NDN: variants seen among roughly 807,000 people sequenced by gnomAD.
NDN encodes the protein necdin.
For missense variants in NDN, 465 were observed against 440.4 expected (o/e 1.06, Z -0.50); for synonymous variants, 245 against 189.4 (o/e 1.29, Z -2.41).
Position 23,687,184 on chromosome 15 carries a change from T to C in NDN, c.34A>G (p.Asn12Asp). The change falls in exon 1 of 1, where the codon AAC becomes GAC. Residue 12 changes from asparagine to aspartate, a missense_variant. Asn to Asp is a conservative substitution (Grantham distance 23). Coordinates refer to ENST00000649030, the MANE Select transcript of NDN (RefSeq NM_002487.3). ...GAGTTGGGGGCCTCGGCTGCAAAGT[T>C]AGGGTCGCTCAGATCCTTACTTTGT... is the stretch of plus-strand genomic sequence containing the variant. ...SEQSKDLSDP[N>D]FAAEAPNSEV... The C allele has an allele frequency of 6.6e-7, 1 of 1,526,008 alleles. No individual in the cohort carries two copies. 94.5% of individuals were successfully genotyped at this position (1,526,008 alleles called of 1,614,324 possible).
rs772344835 is a variant in NDN, at chr15:23,686,506, C to T, written c.712G>A (p.Glu238Lys). ...TTCAGGTAATTCATTTGGACGAACTCCTCAGTGATGAGCTTCCGCACGTCC... is the reference window on the plus strand; with the variant it reads ...TTCAGGTAATTCATTTGGACGAACTTCTCAGTGATGAGCTTCCGCACGTCC... Reference protein sequence around the residue: ...FGDVRKLITEEFVQMNYLKYQ... With the variant: ...FGDVRKLITEKFVQMNYLKYQ... The change falls in exon 1 of 1, where the codon GAG becomes AAG. Residue 238 changes from glutamate to lysine, a missense_variant. By Grantham distance (56) the Glu-to-Lys change is moderately conservative. Coordinates refer to ENST00000649030, the MANE Select transcript of NDN (RefSeq NM_002487.3). The T allele has an allele frequency of 6.2e-7, 1 of 1,613,618 alleles. No individual in the cohort carries two copies. Among genetic ancestry groups the T allele is most frequent in the Non-Finnish European group, 8.5e-7 (1 of 1,180,008 alleles).
Position 23,686,832 on chromosome 15 carries a change from A to T in NDN, c.386T>A (p.Ile129Asn). The T allele has an allele frequency of 6.2e-7, 1 of 1,614,096 alleles. No homozygotes were observed. Among genetic ancestry groups the T allele is most frequent in the Non-Finnish European group, 8.5e-7 (1 of 1,180,004 alleles). The stretch of plus-strand genomic sequence containing the variant: ...CCTGCACCACTTCTTGTAGCTGCCG[A>T]TGACATCTTTCACCATGTCTGGAAA... ...IWFPDMVKDVIGSYKKWCRSI... is the reference protein window; with the variant it reads ...IWFPDMVKDVNGSYKKWCRSI... Residue 129 changes from isoleucine to asparagine, a missense_variant, in exon 1 of 1, where the codon ATC becomes AAC. Ile to Asn is a moderately radical substitution (Grantham distance 149). Transcript: ENST00000649030.
chr15:23,686,305 GCAGAGCTCTGGCCTCCTC>G lies in NDN; in HGVS notation c.895_912del (p.Glu299_Leu304del). 1 of 1,520,848 alleles carries G rather than the reference GCAGAGCTCTGGCCTCCTC, an allele frequency of 6.6e-7. No homozygotes were observed. Among genetic ancestry groups the G allele is most frequent in the South Asian group, 1.3e-5 (1 of 75,960 alleles). The allele number at this position is 1,520,848 out of a possible 1,614,324, so 94.2% of individuals were successfully genotyped here. Reference sequence around the variant, plus strand: ...TAGTGGGCAGTGGGATTAGCCTCCCGCAGAGCTCTGGCCTCCTCCAGAGCTTCTCTGTATCGGGAGGGC... The same window carrying G: ...TAGTGGGCAGTGGGATTAGCCTCCCGCAGAGCTTCTCTGTATCGGGAGGGC... On this transcript the variant is annotated inframe_deletion, in exon 1 of 1. Transcript: ENST00000649030.
Position 23,686,212 on chromosome 15 carries a change from T to TGGTGAGGG in NDN, c.*32_*39dup. ...ACCCACCCCCACCCTTCCACAGCCC[T>TGGTGAGGG]GGTGAGGGTCAGAAACCATTCATCT... On this transcript the variant is annotated 3_prime_UTR_variant, in exon 1 of 1. Coordinates refer to ENST00000649030, the MANE Select transcript of NDN (RefSeq NM_002487.3). 6.7e-7 allele frequency: 1 copy of TGGTGAGGG among 1,494,646 alleles called. No homozygotes were observed. The highest frequency in any genetic ancestry group is 1.4e-5 in the African/African-American group (1 of 71,224). 92.6% of individuals were successfully genotyped at this position (1,494,646 alleles called of 1,614,324 possible).
chr15:23,686,764 C>T lies in NDN; in HGVS notation c.454G>A (p.Gly152Arg), dbSNP rs1324218547. ...AGGCTGGTTAGCCTCAGGTGCAGCC[C>T]GAACACCCGGGCGAGGATGAGGCTG... Reference protein sequence around the residue: ...RTSLILARVFGLHLRLTSLHT... With the variant: ...RTSLILARVFRLHLRLTSLHT... The change falls in exon 1 of 1, where the codon GGG (glycine) becomes AGG (arginine). Residue 152 changes from glycine (G) to arginine (R), a missense_variant. Physicochemically the swap from Gly to Arg is moderately radical, Grantham distance 125. Coordinates refer to ENST00000649030, the MANE Select transcript of NDN (RefSeq NM_002487.3). 3 of 1,614,000 alleles carry T rather than the reference C, an allele frequency of 1.9e-6. No individual in the cohort carries two copies. The highest frequency in any genetic ancestry group is 8.5e-7 in the Non-Finnish European group (1 of 1,180,006).
rs924606829 is a variant in NDN at position 23,686,563 on chromosome 15, G to A, written c.655C>T (p.Leu219=). The A allele has an allele frequency of 1.2e-6, 2 of 1,613,238 alleles. No individual in the cohort carries two copies. The highest frequency in any genetic ancestry group is 2.7e-5 in the African/African-American group (2 of 74,952). Reference sequence around the variant, plus strand: ...GTGGAGTGCTTCTTCCAGGGCCGCAGCCCCAGGATGCGCAGCACGTTCCAG... The same window carrying A: ...GTGGAGTGCTTCTTCCAGGGCCGCAACCCCAGGATGCGCAGCACGTTCCAG... ...AVWNVLRILG[L]RPWKKHSTFG... is the part of the protein sequence containing the mutation. Residue 219 remains leucine, a synonymous_variant, in exon 1 of 1, where the codon CTG becomes TTG. Transcript: ENST00000649030.
Position 23,686,181 on chromosome 15 carries a change from A to C in NDN, c.*71T>G. 6.7e-7 allele frequency: 1 copy of C among 1,485,922 alleles called. No homozygotes were observed. Among genetic ancestry groups the C allele is most frequent in the Non-Finnish European group, 8.9e-7 (1 of 1,119,016 alleles). 92.0% of individuals were successfully genotyped at this position (1,485,922 alleles called of 1,614,324 possible). On this transcript the variant is annotated 3_prime_UTR_variant, in exon 1 of 1. Transcript: ENST00000649030. Reference sequence around the variant, plus strand: ...TACTGCACTGTAAATCCTGAATACTATAATGACCCACCCCCACCCTTCCAC... The same window carrying C: ...TACTGCACTGTAAATCCTGAATACTCTAATGACCCACCCCCACCCTTCCAC...
rs754515050 is a variant in NDN at position 23,686,720 on chromosome 15, C to A, written c.498G>T (p.Ala166=). 5 of 1,613,866 alleles carry A rather than the reference C, an allele frequency of 3.1e-6. No homozygotes were observed. In the Admixed American group the frequency reaches 5.0e-5, roughly 16 times the overall value. ...RLTSLHTMEF[A]LVKALEPEEL... is the part of the protein sequence containing the mutation. The stretch of plus-strand genomic sequence containing the variant: ...CCTCGGGCTCCAGCGCTTTGACCAG[C>A]GCAAACTCCATGGTGTGCAGGCTGG... Residue 166 remains alanine (A), a synonymous_variant, in exon 1 of 1, where the codon GCG becomes GCT. Coordinates refer to ENST00000649030, the MANE Select transcript of NDN (RefSeq NM_002487.3).
rs766930204 is a variant in NDN at position 23,687,074 on chromosome 15, C to G, written c.144G>C (p.Pro48=). ...LAEPQSPPLG[P]TAAPQAAPPP... Reference sequence around the variant, plus strand: ...GCGGCGCGGCCTGCGGAGCGGCCGTCGGGCCTAGAGGAGGGCTCTGCGGCT... The same window carrying G: ...GCGGCGCGGCCTGCGGAGCGGCCGTGGGGCCTAGAGGAGGGCTCTGCGGCT... Residue 48 remains proline, a synonymous_variant, in exon 1 of 1, where the codon CCG becomes CCC. Coordinates refer to ENST00000649030, the MANE Select transcript of NDN (RefSeq NM_002487.3). 3 of 1,558,712 alleles carry G rather than the reference C, an allele frequency of 1.9e-6. No individual in the cohort carries two copies. Among genetic ancestry groups the G allele is most frequent in the East Asian group, 5.1e-5 (2 of 39,326 alleles).
At position 23,686,245 on chromosome 15, in the gene NDN, G is replaced by T; in HGVS notation, c.*7C>A. The T allele has an allele frequency of 6.6e-7, 1 of 1,506,236 alleles. No individual in the cohort carries two copies. Among genetic ancestry groups the T allele is most frequent in the South Asian group, 1.4e-5 (1 of 73,374 alleles). The allele number at this position is 1,506,236 out of a possible 1,614,324, so 93.3% of individuals were successfully genotyped here. A position where few individuals can be genotyped will look rare whatever the true frequency, so the allele number is the denominator to read the frequency against. ...GTCAGAAACCATTCATCTGCCTCCA[G>T]ACTTTGCTAGTCCTCAGAGACACTG... On this transcript the variant is annotated 3_prime_UTR_variant, in exon 1 of 1. Transcript: ENST00000649030.
At position 23,687,006 on chromosome 15, in the gene NDN, T is replaced by G; in HGVS notation, c.212A>C (p.Gln71Pro). The G allele has an allele frequency of 6.8e-7, 1 of 1,467,114 alleles. No individual in the cohort carries two copies. The highest frequency in any genetic ancestry group is 9.0e-7 in the Non-Finnish European group (1 of 1,116,268). 90.9% of individuals were successfully genotyped at this position (1,467,114 alleles called of 1,614,324 possible). The stretch of plus-strand genomic sequence containing the variant: ...GGCGCGGCCCTCCTCCGCAGCCTGC[T>G]GCAGGGCCTTCGGGTCGCCCTCGTC... ...PNDEGDPKAL[Q>P]QAAEEGRAHQ... is the part of the protein sequence containing the mutation. The change falls in exon 1 of 1, where the codon CAG becomes CCG. Residue 71 changes from glutamine to proline, a missense_variant. By Grantham distance (76) the Gln-to-Pro change is moderately conservative. Coordinates refer to ENST00000649030, the MANE Select transcript of NDN (RefSeq NM_002487.3).
At position 23,686,993 on chromosome 15, in the gene NDN, C is replaced by G; in HGVS notation, c.225G>C (p.Glu75Asp). ...GDPKALQQAA[E>D]EGRAHQAPSA... ...TCGGGGCCTGGTGGGCGCGGCCCTCCTCCGCAGCCTGCTGCAGGGCCTTCG... is the reference window on the plus strand; with the variant it reads ...TCGGGGCCTGGTGGGCGCGGCCCTCGTCCGCAGCCTGCTGCAGGGCCTTCG... The change falls in exon 1 of 1, where the codon GAG becomes GAC. Residue 75 changes from glutamate to aspartate, a missense_variant. Coordinates refer to ENST00000649030, the MANE Select transcript of NDN (RefSeq NM_002487.3). 6.8e-7 allele frequency: 1 copy of G among 1,467,028 alleles called. No individual in the cohort carries two copies. Among genetic ancestry groups the G allele is most frequent in the Non-Finnish European group, 8.9e-7 (1 of 1,117,416 alleles). The allele number at this position is 1,467,028 out of a possible 1,614,324, so 90.9% of individuals were successfully genotyped here.
rs775558351 is a variant in NDN at position 23,686,781 on chromosome 15, A to G, written c.437T>C (p.Ile146Thr). 6.2e-7 allele frequency: 1 copy of G among 1,614,000 alleles called. No homozygotes were observed. Among genetic ancestry groups the G allele is most frequent in the South Asian group, 1.1e-5 (1 of 91,086 alleles). Residue 146 changes from isoleucine (I) to threonine (T), a missense_variant, in exon 1 of 1, where the codon ATC becomes ACC. Ile to Thr is a moderately conservative substitution (Grantham distance 89). Transcript: ENST00000649030. ...GTGCAGCCCGAACACCCGGGCGAGGATGAGGCTGGTGCGCCGGAGGATGCT... is the reference window on the plus strand; with the variant it reads ...GTGCAGCCCGAACACCCGGGCGAGGGTGAGGCTGGTGCGCCGGAGGATGCT... Reference protein sequence around the residue: ...CRSILRRTSLILARVFGLHLR... With the variant: ...CRSILRRTSLTLARVFGLHLR...
chr15:23,687,040 C>G lies in NDN; in HGVS notation c.178G>C (p.Ala60Pro). ...AAPQAAPPPQ[A>P]PNDEGDPKAL... ...TTCGGGTCGCCCTCGTCGTTCGGGGCCTGGGGAGGCGGCGCGGCCTGCGGA... is the reference window on the plus strand; with the variant it reads ...TTCGGGTCGCCCTCGTCGTTCGGGGGCTGGGGAGGCGGCGCGGCCTGCGGA... The change falls in exon 1 of 1, where the codon GCC (alanine) becomes CCC (proline). Residue 60 changes from alanine to proline, a missense_variant. By Grantham distance (27) the Ala-to-Pro change is conservative. Transcript: ENST00000649030. 2 of 1,513,926 alleles carry G rather than the reference C, an allele frequency of 1.3e-6. No homozygotes were observed. Among genetic ancestry groups the G allele is most frequent in the South Asian group, 2.5e-5 (2 of 80,266 alleles). The allele number at this position is 1,513,926 out of a possible 1,614,324, so 93.8% of individuals were successfully genotyped here.
chr15:23,686,153 G>C lies in NDN; in HGVS notation c.*99C>G, dbSNP rs571769997. The C allele has an allele frequency of 2.9e-6, 4 of 1,394,720 alleles. No individual in the cohort carries two copies. The highest frequency in any genetic ancestry group is 3.8e-6 in the Non-Finnish European group (4 of 1,053,712). The allele number at this position is 1,394,720 out of a possible 1,614,324, so 86.4% of individuals were successfully genotyped here. ...TACTGAAAACTTAAAAGTTACACGT[G>C]AATACTGCACTGTAAATCCTGAATA... On this transcript the variant is annotated 3_prime_UTR_variant, in exon 1 of 1. Transcript: ENST00000649030.
chr15:23,686,030 C>A lies in NDN; in HGVS notation c.*222G>T. 1 of 433,562 alleles carries A rather than the reference C, an allele frequency of 2.3e-6. No homozygotes were observed. Among genetic ancestry groups the A allele is most frequent in the Non-Finnish European group, 3.8e-6 (1 of 265,820 alleles). 26.9% of individuals were successfully genotyped at this position (433,562 alleles called of 1,614,324 possible). A position where few individuals can be genotyped will look rare whatever the true frequency, so the allele number is the denominator to read the frequency against. On this transcript the variant is annotated 3_prime_UTR_variant, in exon 1 of 1. Coordinates refer to ENST00000649030, the MANE Select transcript of NDN (RefSeq NM_002487.3). ...AAAGGTAGCACAAAAGCGAAAGCACCAACCAAGCTTACATATAAACAAACA... is the reference window on the plus strand; with the variant it reads ...AAAGGTAGCACAAAAGCGAAAGCACAAACCAAGCTTACATATAAACAAACA...
Position 23,687,278 on chromosome 15 carries a change from C to T in NDN, c.-61G>A, listed in dbSNP as rs1891171578. On this transcript the variant is annotated 5_prime_UTR_variant, in exon 1 of 1. Transcript: ENST00000649030. Reference sequence around the variant, plus strand: ...CCAGGAGCTCTTCGAGCCTGCGCTCCCTCCGCGGATTCCTGGAGAGGAAGT... The same window carrying T: ...CCAGGAGCTCTTCGAGCCTGCGCTCTCTCCGCGGATTCCTGGAGAGGAAGT... 2 of 1,341,284 alleles carry T rather than the reference C, an allele frequency of 1.5e-6. No individual in the cohort carries two copies. Among genetic ancestry groups the T allele is most frequent in the Admixed American group, 3.1e-5 (1 of 32,570 alleles). 83.1% of individuals were successfully genotyped at this position (1,341,284 alleles called of 1,614,324 possible).
Position 23,686,870 on chromosome 15 carries a change from C to A in NDN, c.348G>T (p.Lys116Asn). 6.2e-7 allele frequency: 1 copy of A among 1,614,130 alleles called. No homozygotes were observed. ...MWYVLVKDQK[K>N]MIIWFPDMVK... ...CCATGTCTGGAAACCAGATGATCAT[C>A]TTCTTCTGGTCCTTGACCAGCACGT... The change falls in exon 1 of 1, where the codon AAG becomes AAT. Residue 116 changes from lysine to asparagine, a missense_variant. Physicochemically the swap from Lys to Asn is moderately conservative, Grantham distance 94. Coordinates refer to ENST00000649030, the MANE Select transcript of NDN (RefSeq NM_002487.3).
In NDN at chr15:23,686,979, T is replaced by A. The variant is rs1262955919; in HGVS notation, c.239A>T (p.His80Leu). 2.7e-6 allele frequency: 4 copies of A among 1,499,506 alleles called. 1 individual carries two copies. In the East Asian group the frequency reaches 7.4e-5, roughly 28 times the overall value. The allele number at this position is 1,499,506 out of a possible 1,614,324, so 92.9% of individuals were successfully genotyped here. ...LQQAAEEGRA[H>L]QAPSAAQPGP... ...CGGCTGGGCCGCGCTCGGGGCCTGG[T>A]GGGCGCGGCCCTCCTCCGCAGCCTG... Residue 80 changes from histidine to leucine, a missense_variant, in exon 1 of 1, where the codon CAC (histidine) becomes CTC (leucine). His to Leu is a moderately conservative substitution (Grantham distance 99). Transcript: ENST00000649030.
Sources: gnomAD v4.1 joint callset for allele counts on GRCh38, gnomAD v4.1.1 for gene constraint, MANE v1.5 for transcripts, NCBI Gene and HGNC (gene_info 2026-07-23, HGNC 2026-07-21) for gene names.